The following PTPDC1 variants were observed in gnomAD, a reference collection of about 807,000 sequenced individuals.
PTPDC1 encodes protein tyrosine phosphatase domain containing 1, also known as protein tyrosine phosphatase domain-containing protein 1.
PTPDC1 carries 53 observed loss-of-function variants against 75.3 expected under a neutral mutation model. The ratio of observed to expected loss-of-function variants is 0.70; its 90% CI spans 0.56 to 0.88. The LOEUF (loss-of-function observed/expected upper bound fraction) is 0.88, where lower values mean the gene tolerates loss of function less well. Ranked by LOEUF, PTPDC1 falls within the 40% of genes least tolerant of loss-of-function variation. The pLI, the probability that PTPDC1 is intolerant of heterozygous loss-of-function variation, is 0.00. For synonymous variants in PTPDC1, 349 were observed against 366.2 expected, an observed-to-expected ratio of 0.95 and a Z score of 0.54; for missense variants, 925 against 998.6, an observed-to-expected ratio of 0.93 and a Z score of 0.99.
At chr9:94,100,741 G>A (rs562238846) in intron 6 of PTPDC1, 1 of 147,080 alleles carries the variant, frequency 6.8e-6, no homozygotes, top group Admixed American at 6.9e-5. Context: ...GTGAATGAAT[G>A]AGTGAATGGT....
rs532305919 is a variant in PTPDC1 at position 94,053,730 on chromosome 9, C to T, written c.-6-11004C>T. On this transcript the variant is annotated intron_variant, in intron 1 of 9. Transcript: ENST00000375360. ...TCTGCTGAGAAGAAAACAAATCCAACCCTCAGGGAATGGGAACACAAATCT... is the reference window on the plus strand; with the variant it reads ...TCTGCTGAGAAGAAAACAAATCCAATCCTCAGGGAATGGGAACACAAATCT... Among the ~76,000 whole-genome samples, 4 of 152,306 alleles carry T rather than the reference C, an allele frequency of 2.6e-5. 1 individual carries two copies. The highest frequency in any genetic ancestry group is 3.9e-4 in the East Asian group (2 of 5,188).
chr9:94,060,322 T>C (rs1379304074), intron 1 of PTPDC1, among the ~76,000 whole-genome samples: 1 of 152,216 alleles, frequency 6.6e-6, no homozygotes, highest in Non-Finnish European at 1.5e-5. Flanking sequence ...GACAAAGATA[T>C]TGTGGAGAGT....
At chr9:94,071,017 T>C (rs1186713157) in intron 2 of PTPDC1, among the ~76,000 whole-genome samples, 2 of 151,856 alleles carry the variant, frequency 1.3e-5, no homozygotes, top group Non-Finnish European at 2.9e-5. Context: ...TTTATTACTT[T>C]GGGATAAATA....
chr9:94,084,441 A>G (rs566881287), upstream of PTPDC1: 5 of 1,555,630 alleles, frequency 3.2e-6, no homozygotes, highest in East Asian at 1.1e-4. Flanking sequence ...ATCATACAGA[A>G]CGATGCAATG....
intron 1 of PTPDC1, among the ~76,000 whole-genome samples, chr9:94,034,246 T>G (rs1422331223): frequency 1.3e-5 from 2 of 152,158 alleles, no homozygotes; most frequent in African/African-American, 4.8e-5. Flanking sequence ...AATGGGAGAT[T>G]TGTGGCCAAG....
chr9:94,052,554 C>T (rs1377300235), intron 1 of PTPDC1, among the ~76,000 whole-genome samples: 1 of 152,110 alleles, frequency 6.6e-6, no homozygotes, highest in African/African-American at 2.4e-5. Flanking sequence ...GTTGAAGCCT[C>T]AACTATAAAT....
At chr9:94,058,350 T>C (rs957568791) in intron 1 of PTPDC1, among the ~76,000 whole-genome samples, 3 of 152,136 alleles carry the variant, frequency 2.0e-5, no homozygotes, top group Admixed American at 6.5e-5. Flanking sequence ...AGTATGATTA[T>C]GATAGTATGA....
At chr9:94,034,772 A>G (rs1825209070) in intron 1 of PTPDC1, among the ~76,000 whole-genome samples, 1 of 152,104 alleles carries the variant, frequency 6.6e-6, no homozygotes, top group African/African-American at 2.4e-5. Flanking sequence ...TTTATTAGAA[A>G]ATTGTGCCCC....
chr9:94,079,958 C>T (rs1032284399), upstream of PTPDC1, among the ~76,000 whole-genome samples: 35 of 152,198 alleles, frequency 2.3e-4, no homozygotes, highest in Non-Finnish European at 4.6e-4. Context: ...GGGAGAGCAG[C>T]CCAGCAGTGG....
intron 4 of PTPDC1, among the ~76,000 whole-genome samples, chr9:94,089,038 G>A (rs1827179741): frequency 6.8e-6 from 1 of 147,592 alleles, no homozygotes; most frequent in South Asian, 2.2e-4. Flanking sequence ...TGCAGGAAAT[G>A]TCTTTTTTTT....
intron 2 of PTPDC1, among the ~76,000 whole-genome samples, chr9:94,071,751 C>G (rs1238883920): frequency 1.3e-5 from 2 of 152,166 alleles, no homozygotes; most frequent in Non-Finnish European, 2.9e-5. Context: ...GGACCTGTGA[C>G]TTTAAATAAG....
chr9:94,058,114 A>G (rs1483268822), intron 1 of PTPDC1, among the ~76,000 whole-genome samples: 1 of 152,164 alleles, frequency 6.6e-6, no homozygotes, highest in Non-Finnish European at 1.5e-5. Context: ...GGACTAAGAC[A>G]GAGCTTTCCC....
chr9:94,075,962 T>TTTTTTTTTTGTGTGTG (rs2117928251), intron 2 of PTPDC1, among the ~76,000 whole-genome samples: 3 of 152,116 alleles, frequency 2.0e-5, no homozygotes, highest in African/African-American at 7.2e-5. Context: ...AAAAGAAACC[T>TTTTTTTTTTGTGTGTG]TGTGCTTTTT....
At chr9:94,056,755 A>G (rs1363078814) in intron 1 of PTPDC1, among the ~76,000 whole-genome samples, 1 of 152,210 alleles carries the variant, frequency 6.6e-6, no homozygotes, top group African/African-American at 2.4e-5. Flanking sequence ...GAAGTAGGAC[A>G]TTCTTTGTGT....
intron 1 of PTPDC1, chr9:94,038,248 GA>G: frequency 2.2e-6 from 2 of 920,798 alleles, no homozygotes; most frequent in Non-Finnish European, 3.5e-6. Flanking sequence ...AGAATCCCAA[GA>G]AGTACATCCC....
chr9:94,057,207 T>G (rs1587853934), intron 1 of PTPDC1, among the ~76,000 whole-genome samples: 1 of 152,170 alleles, frequency 6.6e-6, no homozygotes, highest in East Asian at 1.9e-4. Context: ...GCCTCCCAAG[T>G]AGCTGGGACT....
At chr9:94,057,860 G>A (rs928366855) in intron 1 of PTPDC1, among the ~76,000 whole-genome samples, 1 of 152,192 alleles carries the variant, frequency 6.6e-6, no homozygotes, top group Non-Finnish European at 1.5e-5. Context: ...GTTATTTGAA[G>A]ATGGCCAGAA....
At chr9:94,044,184 A>G (rs1825516694) in intron 1 of PTPDC1, among the ~76,000 whole-genome samples, 1 of 152,220 alleles carries the variant, frequency 6.6e-6, no homozygotes, top group Non-Finnish European at 1.5e-5. Context: ...GTATATGTCT[A>G]CAAAATACCT....
At chr9:94,042,709 C>G (rs549604402) in intron 1 of PTPDC1, among the ~76,000 whole-genome samples, 1 of 152,264 alleles carries the variant, frequency 6.6e-6, no homozygotes, top group South Asian at 2.1e-4. Flanking sequence ...ATGACGTTTA[C>G]TGCTTCATTG....
Sources: gnomAD v4.1 joint callset for allele counts (sites outside exome capture counted in the v4.1 genomes callset) on GRCh38, gnomAD v4.1.1 for gene constraint, MANE v1.5 for transcripts, NCBI Gene and HGNC (gene_info 2026-07-23, HGNC 2026-07-21) for gene names.